Variants in CSMD3 observed in about 807,000 individuals in gnomAD.
CSMD3 encodes CUB and sushi domain-containing protein 3.
Under a neutral mutation model 435.2 loss-of-function variants are expected in CSMD3, and 177 were observed. That is an observed-to-expected ratio of 0.41 (90% CI 0.36 to 0.46). CSMD3 has a LOEUF of 0.46. Among genes scored for constraint, CSMD3 ranks in the 20% least tolerant of loss-of-function variants. The pLI is 0.34. For synonymous variants in CSMD3, 1,656 were observed against 1,520.5 expected (o/e 1.09, Z -2.07); for missense variants, 4,265 against 4,504.6 (o/e 0.95, Z 1.52).
At chr8:113,265,819 C>A (rs548668570) in intron 3 of CSMD3, among the ~76,000 whole-genome samples, 9 of 151,544 alleles carry the variant, frequency 5.9e-5, no homozygotes, top group African/African-American at 2.2e-4. Flanking sequence ...CCATGACTAA[C>A]TAGGTTGACT....
chr8:113,179,874 A>T (rs1016361416), intron 3 of CSMD3, among the ~76,000 whole-genome samples: 3 of 151,624 alleles, frequency 2.0e-5, no homozygotes, highest in Non-Finnish European at 3.0e-5. Flanking sequence ...CTCATTCTTT[A>T]AAAAAAATAC....
chr8:112,593,940 T>A (rs1831425227), intron 22 of CSMD3, among the ~76,000 whole-genome samples: 1 of 152,136 alleles, frequency 6.6e-6, no homozygotes, highest in African/African-American at 2.4e-5. Context: ...TTTGTTTTGT[T>A]TTTTGGTTAG....
chr8:113,279,618 G>C (rs1348708290), intron 2 of CSMD3, among the ~76,000 whole-genome samples: 1 of 151,732 alleles, frequency 6.6e-6, no homozygotes, highest in Non-Finnish European at 1.5e-5. Flanking sequence ...GGCATGTTGT[G>C]TAATGGGAGA....
At chr8:112,743,101 CAT>C (rs985011058) in intron 13 of CSMD3, among the ~76,000 whole-genome samples, 7 of 151,914 alleles carry the variant, frequency 4.6e-5, no homozygotes, top group Admixed American at 3.3e-4. Flanking sequence ...TGTGTACACA[CAT>C]GTGAGTGTAT....
intron 32 of CSMD3, among the ~76,000 whole-genome samples, chr8:112,422,083 A>T (rs942220235): frequency 6.6e-6 from 1 of 152,196 alleles, no homozygotes; most frequent in Non-Finnish European, 1.5e-5. Flanking sequence ...AGAGCATGGC[A>T]TCATGGAGTG....
chr8:112,249,022 G>T (rs1398047629), intron 63 of CSMD3, among the ~76,000 whole-genome samples: 2 of 151,932 alleles, frequency 1.3e-5, no homozygotes, highest in Admixed American at 1.3e-4. Context: ...CAAAATGGTG[G>T]TACAGGTTTT....
intron 54 of CSMD3, among the ~76,000 whole-genome samples, chr8:112,295,027 G>A (rs1489061973): frequency 1.3e-5 from 2 of 152,052 alleles, no homozygotes; most frequent in Non-Finnish European, 2.9e-5. Context: ...TGTACCCAAT[G>A]TGTAATCTCT....
Position 112,935,617 on chromosome 8 carries a change from T to A in CSMD3, c.1508+12173A>T, listed in dbSNP as rs932170940. Among the ~76,000 whole-genome samples, 12 of 152,104 alleles carry A rather than the reference T, an allele frequency of 7.9e-5. No individual in the cohort carries two copies. The South Asian group carries it at 2.3e-3, about 29-fold the overall frequency. On this transcript the variant is annotated intron_variant, in intron 9 of 70. Transcript: ENST00000297405. ...AAATCTCTCACCTTTTTTGTTAAAT[T>A]TAGATATGTTTCAAAAACAGAAAAG...
intron 32 of CSMD3, among the ~76,000 whole-genome samples, chr8:112,472,370 T>C (rs1200781301): frequency 6.6e-6 from 1 of 152,206 alleles, no homozygotes; most frequent in Non-Finnish European, 1.5e-5. Context: ...AATCCTGTTT[T>C]CATTTTTGTA....
chr8:112,356,124 G>C (rs1269255149), intron 38 of CSMD3, among the ~76,000 whole-genome samples: 1 of 152,120 alleles, frequency 6.6e-6, no homozygotes, highest in South Asian at 2.1e-4. Context: ...AAACAGTTTG[G>C]AGATTTCTCA....
chr8:113,248,111 T>C (rs1371690303), intron 3 of CSMD3, among the ~76,000 whole-genome samples: 2 of 152,048 alleles, frequency 1.3e-5, no homozygotes, highest in African/African-American at 4.8e-5. Flanking sequence ...TGACATCAAC[T>C]GGACTTGTGA....
intron 3 of CSMD3, among the ~76,000 whole-genome samples, chr8:113,211,273 C>T (rs1367483420): frequency 2.6e-5 from 4 of 152,116 alleles, no homozygotes; most frequent in African/African-American, 9.7e-5. Flanking sequence ...TTTCTTTCCT[C>T]AGTTTCTAAC....
At chr8:113,098,669 C>A (rs2090238917) in intron 5 of CSMD3, 87 bp downstream of exon 5, 1 of 894,732 alleles carries the variant, frequency 1.1e-6, no homozygotes, top group Non-Finnish European at 1.8e-6. Context: ...AATATCCAAA[C>A]CTGTAAAAGT....
intron 6 of CSMD3, among the ~76,000 whole-genome samples, chr8:112,991,474 A>T (rs555415403): frequency 5.7e-4 from 87 of 151,900 alleles, no homozygotes; most frequent in Middle Eastern, 3.4e-3. Context: ...CTAAAAATGA[A>T]TTTTTCTTTC....
At chr8:113,328,735 C>CTTTTCTT (rs2094003725) in intron 1 of CSMD3, among the ~76,000 whole-genome samples, 1 of 57,200 alleles carries the variant, frequency 1.7e-5, no homozygotes, top group African/African-American at 8.4e-5. Context: ...TCCTTCTTTT[C>CTTTTCTT]TTTTTTTTTT....
intron 12 of CSMD3, among the ~76,000 whole-genome samples, chr8:112,826,207 G>C (rs1214445641): frequency 6.6e-6 from 1 of 152,160 alleles, no homozygotes; most frequent in African/African-American, 2.4e-5. Flanking sequence ...AGAAAAGCGT[G>C]GCCTGGAGCT....
Position 113,096,218 on chromosome 8 carries a change from C to A in CSMD3, c.917+2538G>T, listed in dbSNP as rs533216411. On this transcript the variant is annotated intron_variant, in intron 5 of 70. Coordinates refer to ENST00000297405, the MANE Select transcript of CSMD3 (RefSeq NM_198123.2). ...ATTAGCCATCTCAAACTTCACACAT[C>A]CAAATTTAAGCTCCACATCATCCCT... Among the ~76,000 whole-genome samples the A allele has an allele frequency of 2.6e-5, 4 of 152,200 alleles. No homozygotes were observed. In the South Asian group the frequency reaches 8.3e-4, roughly 32 times the overall value.
intron 3 of CSMD3, among the ~76,000 whole-genome samples, chr8:113,194,164 G>A (rs2092623455): frequency 1.3e-5 from 2 of 151,124 alleles, no homozygotes; most frequent in African/African-American, 4.8e-5. Context: ...AAAACAGTAG[G>A]GGACACTGCC....
intron 67 of CSMD3, among the ~76,000 whole-genome samples, chr8:112,236,296 CAT>C (rs928143704): frequency 4.0e-5 from 6 of 151,870 alleles, no homozygotes; most frequent in African/African-American, 1.4e-4. Context: ...TATCAAATAT[CAT>C]AGTGTCTCAT....
Sources: gnomAD v4.1 joint callset for allele counts (sites outside exome capture counted in the v4.1 genomes callset) on GRCh38, gnomAD v4.1.1 for gene constraint, MANE v1.5 for transcripts, NCBI Gene and HGNC (gene_info 2026-07-23, HGNC 2026-07-21) for gene names.